SPECC1: variants seen among roughly 807,000 people sequenced by gnomAD.
SPECC1 encodes sperm antigen with calponin homology and coiled-coil domains 1.
SPECC1 carries 62 observed loss-of-function variants against 104.1 expected under a neutral mutation model. The observed-to-expected ratio is 0.60, with a 90% confidence interval of 0.49 to 0.74. SPECC1 has a LOEUF of 0.74. SPECC1 is among the 30% of genes least tolerant of loss of function. The pLI is 0.00. For missense variants in SPECC1, 1,306 were observed against 1,310.5 expected, an observed-to-expected ratio of 1.00 and a Z score of 0.05; for synonymous variants, 513 against 501.6, an observed-to-expected ratio of 1.02 and a Z score of -0.30.
chr17:20,192,072 G>A (rs1217749728), intron 3 of SPECC1, among the ~76,000 whole-genome samples: 2 of 152,048 alleles, frequency 1.3e-5, no homozygotes, highest in Non-Finnish European at 2.9e-5. Context: ...GAGTAGCTGG[G>A]ACTACAAGTG....
chr17:20,122,141 C>T (rs1597756932), intron 3 of SPECC1, among the ~76,000 whole-genome samples: 2 of 152,128 alleles, frequency 1.3e-5, no homozygotes, highest in South Asian at 2.1e-4. Flanking sequence ...CCAGTGGGGC[C>T]GCAGCAGAGT....
chr17:20,038,480 A>C (rs1292130864), intron 1 of SPECC1, among the ~76,000 whole-genome samples: 1 of 148,448 alleles, frequency 6.7e-6, no homozygotes, highest in Non-Finnish European at 1.5e-5. Flanking sequence ...GCTCACTGCA[A>C]CCTCTGCTGC....
At chr17:20,276,390 G>A (rs2040577536) in intron 12 of SPECC1, among the ~76,000 whole-genome samples, 1 of 152,116 alleles carries the variant, frequency 6.6e-6, no homozygotes, top group Non-Finnish European at 1.5e-5. Flanking sequence ...CACTTAGCTG[G>A]GATTACAAGT....
At chr17:20,287,423 CAAAAAAAAAAA>C (rs61713120) in intron 12 of SPECC1, among the ~76,000 whole-genome samples, 4 of 98,046 alleles carry the variant, frequency 4.1e-5, no homozygotes, top group African/African-American at 1.7e-4. Flanking sequence ...GACTCCGTCT[CAAAAAAAAAAA>C]AAAAAAAAAA....
At chr17:20,274,077 A>T (rs977465012) in intron 12 of SPECC1, among the ~76,000 whole-genome samples, 3 of 152,246 alleles carry the variant, frequency 2.0e-5, no homozygotes, top group Admixed American at 6.5e-5. Flanking sequence ...ACTATATTAT[A>T]TACAAATACA....
chr17:20,157,017 C>A (rs746939083), intron 3 of SPECC1, among the ~76,000 whole-genome samples: 1 of 152,006 alleles, frequency 6.6e-6, no homozygotes, highest in Non-Finnish European at 1.5e-5. Flanking sequence ...GTATGTGTTT[C>A]TGTGGGAGAG....
intron 13 of SPECC1, among the ~76,000 whole-genome samples, chr17:20,297,974 A>C (rs2041409841): frequency 6.6e-6 from 1 of 152,252 alleles, no homozygotes; most frequent in South Asian, 2.1e-4. Context: ...TAAGTGGTCT[A>C]AGAGCCCAGA....
At chr17:20,187,750 C>T (rs1402078204) in intron 3 of SPECC1, among the ~76,000 whole-genome samples, 7 of 152,134 alleles carry the variant, frequency 4.6e-5, no homozygotes, top group Admixed American at 6.5e-5. Context: ...TTCTGAGATT[C>T]TGGGTAATAT....
At chr17:20,177,661 A>T (rs1397181072) in intron 3 of SPECC1, among the ~76,000 whole-genome samples, 1 of 152,208 alleles carries the variant, frequency 6.6e-6, no homozygotes, top group African/African-American at 2.4e-5. Context: ...ATATTACCAT[A>T]ATTTATTTAA....
At chr17:20,124,126 T>C (rs562260177) in intron 3 of SPECC1, among the ~76,000 whole-genome samples, 1 of 151,568 alleles carries the variant, frequency 6.6e-6, no homozygotes, top group South Asian at 2.1e-4. Context: ...GAGCCAGGGA[T>C]GTCAGGGAAT....
intron 1 of SPECC1, among the ~76,000 whole-genome samples, chr17:20,054,074 C>T (rs1284417058): frequency 6.6e-6 from 1 of 152,180 alleles, no homozygotes. Flanking sequence ...GTCACTCTGT[C>T]AGTTTATTAT....
At chr17:20,199,720 C>T (rs1597952830) in intron 3 of SPECC1, among the ~76,000 whole-genome samples, 1 of 152,258 alleles carries the variant, frequency 6.6e-6, no homozygotes, top group East Asian at 1.9e-4. Flanking sequence ...TACTGATTGA[C>T]ATTCTCACCA....
intron 1 of SPECC1, among the ~76,000 whole-genome samples, chr17:20,024,513 C>G (rs2044523221): frequency 6.6e-6 from 1 of 152,092 alleles, no homozygotes; most frequent in Admixed American, 6.5e-5. Flanking sequence ...GGTTTTTTCT[C>G]TTTATCCTCT....
At chr17:20,302,878 T>TAAAAAAAA (rs35060925) in intron 13 of SPECC1, among the ~76,000 whole-genome samples, 20 of 61,862 alleles carry the variant, frequency 3.2e-4, no homozygotes, top group African/African-American at 1.2e-3. Context: ...TGAGCCCATC[T>TAAAAAAAA]AAAAAAAAAA....
At chr17:20,236,725 T>A in intron 7 of SPECC1, 1 of 932,916 alleles carries the variant, frequency 1.1e-6, no homozygotes, top group Non-Finnish European at 1.5e-6. Context: ...GGACTTAAAA[T>A]CTGTTGGCCT....
chr17:20,050,169 C>G (rs1347164214), intron 1 of SPECC1, among the ~76,000 whole-genome samples: 1 of 152,094 alleles, frequency 6.6e-6, no homozygotes, highest in Non-Finnish European at 1.5e-5. Flanking sequence ...CACATGTATA[C>G]CTATGTAATA....
chr17:20,020,037 G>C (rs775136424), intron 1 of SPECC1, among the ~76,000 whole-genome samples: 1 of 152,070 alleles, frequency 6.6e-6, no homozygotes, highest in Non-Finnish European at 1.5e-5. Context: ...TAATGTTTTC[G>C]GAAAGAACCA....
In SPECC1 at chr17:20,196,365, A is replaced by G. The variant is rs144874730; in HGVS notation, c.284-7968A>G. 2.6e-5 allele frequency among the ~76,000 whole-genome samples: 4 copies of G among 152,346 alleles called. No individual in the cohort carries two copies. In the East Asian group the frequency reaches 7.7e-4, roughly 29 times the overall value. On this transcript the variant is annotated intron_variant, in intron 3 of 14. Coordinates refer to ENST00000395527, the MANE Select transcript of SPECC1 (RefSeq NM_001243439.2). ...CTAGCCTTAGGACACGCCAGGCAGAAGTGCAGATAAGGGCTGACTCTCCAG... is the reference window on the plus strand; with the variant it reads ...CTAGCCTTAGGACACGCCAGGCAGAGGTGCAGATAAGGGCTGACTCTCCAG...
intron 7 of SPECC1, chr17:20,236,992 A>G: frequency 6.4e-7 from 1 of 1,564,564 alleles, no homozygotes; most frequent in Non-Finnish European, 8.6e-7. Context: ...CTTTATAAAG[A>G]GCCCAGTTGT....
Sources: gnomAD v4.1 joint callset for allele counts (sites outside exome capture counted in the v4.1 genomes callset) on GRCh38, gnomAD v4.1.1 for gene constraint, MANE v1.5 for transcripts, NCBI Gene and HGNC (gene_info 2026-07-23, HGNC 2026-07-21) for gene names.